Variants in PACRGL observed in about 807,000 individuals in gnomAD.
PACRGL encodes the protein parkin coregulated like.
In PACRGL, 38 loss-of-function variants were observed where a neutral mutation model predicts 34.5. That is an observed-to-expected ratio of 1.10 (90% confidence interval 0.85 to 1.44). PACRGL has a LOEUF of 1.44. Ranked by LOEUF, PACRGL falls within the 40% of genes most tolerant of loss-of-function variation. PACRGL has a pLI of 0.00. For synonymous variants in PACRGL, 128 were observed against 100.1 expected (o/e 1.28, Z -1.66); for missense variants, 305 against 281.4 (o/e 1.08, Z -0.60).
downstream of PACRGL, among the ~76,000 whole-genome samples, chr4:20,735,533 T>TTG (rs1749403660): frequency 2.7e-5 from 1 of 37,234 alleles, no homozygotes; most frequent in Admixed American, 2.2e-4. Flanking sequence ...TTTTTTTGTT[T>TTG]TTTTTTTTTT....
chr4:20,738,251 T>C (rs1750183085), intron 8 of PACRGL, among the ~76,000 whole-genome samples: 1 of 152,208 alleles, frequency 6.6e-6, no homozygotes, highest in African/African-American at 2.4e-5. Flanking sequence ...TTGATTGTTA[T>C]CAATGTAAAC....
chr4:20,702,411 T>A lies in PACRGL; in HGVS notation c.-17+1624T>A, dbSNP rs565872232. Among the ~76,000 whole-genome samples, 351 of 152,294 alleles carry A rather than the reference T, an allele frequency of 2.3e-3. 8 individuals are homozygous for A. The South Asian group carries it at 0.046, about 20-fold the overall frequency. On this transcript the variant is annotated intron_variant, in intron 1 of 8. Coordinates refer to ENST00000503585, the MANE Select transcript of PACRGL (RefSeq NM_001258345.3). ...GCCCAAGATGTTAAGCCAGATTTTT[T>A]AAAAATGACAAAACATGTGGTTTCA...
intron 5 of PACRGL, among the ~76,000 whole-genome samples, chr4:20,711,171 T>C (rs1233602647): frequency 6.6e-6 from 1 of 152,164 alleles, no homozygotes; most frequent in African/African-American, 2.4e-5. Context: ...GTTTTTTTTT[T>C]TAGACTAGTC....
chr4:20,715,555 C>G (rs1739507511), intron 7 of PACRGL, among the ~76,000 whole-genome samples: 1 of 151,860 alleles, frequency 6.6e-6, no homozygotes, highest in African/African-American at 2.4e-5. Flanking sequence ...CCTACATGAG[C>G]AGAGTTCAGG....
chr4:20,708,098 T>G (rs1202865154), intron 4 of PACRGL, among the ~76,000 whole-genome samples: 1 of 152,222 alleles, frequency 6.6e-6, no homozygotes, highest in Non-Finnish European at 1.5e-5. Flanking sequence ...AACCATCAGT[T>G]TAAGAACTTT....
chr4:20,708,651 T>C (rs1210420314), intron 4 of PACRGL, among the ~76,000 whole-genome samples: 1 of 152,098 alleles, frequency 6.6e-6, no homozygotes, highest in Non-Finnish European at 1.5e-5. Flanking sequence ...AAAACAATAT[T>C]AGAGAGACGT....
At chr4:20,747,934 A>G (rs1752716095) in intron 8 of PACRGL, among the ~76,000 whole-genome samples, 1 of 152,014 alleles carries the variant, frequency 6.6e-6, no homozygotes, top group African/African-American at 2.4e-5. Context: ...TTTAAACATG[A>G]CAGTTCTGTT....
At chr4:20,766,018 G>C in the PACRGL span, among the ~76,000 whole-genome samples, 4 of 152,098 alleles carry the variant, frequency 2.6e-5, no homozygotes, top group Non-Finnish European at 4.4e-5. Flanking sequence ...TATTGGTATT[G>C]ATATTTTATA....
intron 7 of PACRGL, among the ~76,000 whole-genome samples, chr4:20,723,808 C>G (rs906204984): frequency 1.3e-4 from 20 of 152,172 alleles, no homozygotes; most frequent in African/African-American, 4.6e-4. Flanking sequence ...CCACCCTGAC[C>G]ATCAGATCCT....
chr4:20,754,842 A>G (rs921798959), downstream of PACRGL, among the ~76,000 whole-genome samples: 17 of 152,212 alleles, frequency 1.1e-4, no homozygotes, highest in Admixed American at 1.0e-3. Flanking sequence ...AAGTTTTAGT[A>G]TGTAATAACT....
intron 7 of PACRGL, among the ~76,000 whole-genome samples, chr4:20,719,227 T>A (rs1025364552): frequency 5.9e-5 from 9 of 151,736 alleles, no homozygotes; most frequent in African/African-American, 2.2e-4. Flanking sequence ...CTCTTTACTT[T>A]ATTAGTCTTG....
chr4:20,752,476 A>T (rs777489401), intron 8 of PACRGL: 7 of 152,226 alleles, frequency 4.6e-5, no homozygotes, highest in Non-Finnish European at 1.0e-4. Context: ...TAGGCAAGCC[A>T]CTTTTATTTC....
intron 7 of PACRGL, among the ~76,000 whole-genome samples, chr4:20,722,014 C>A (rs893714047): frequency 6.6e-6 from 1 of 152,252 alleles, no homozygotes; most frequent in East Asian, 1.9e-4. Flanking sequence ...CTGCTGAAAC[C>A]TCAGCAATGG....
In PACRGL at chr4:20,732,340, C is replaced by G. The variant is rs6811505; in HGVS notation, c.*4999C>G. On this transcript the variant is annotated 3_prime_UTR_variant, in exon 9 of 9. Transcript: ENST00000503585. Reference sequence around the variant, plus strand: ...CACCTTCTAGATGTGACAGAGCTTGCGCAATTTGCTGAAACTTTCAGAGCT... The same window carrying G: ...CACCTTCTAGATGTGACAGAGCTTGGGCAATTTGCTGAAACTTTCAGAGCT... 0.33 allele frequency among the ~76,000 whole-genome samples: 50,232 copies of G among 151,968 alleles called. 8,756 individuals carry two copies. Among genetic ancestry groups the G allele is most frequent in the African/African-American group, 0.44 (18,110 of 41,430 alleles).
chr4:20,751,923 T>G (rs924099784), intron 8 of PACRGL, among the ~76,000 whole-genome samples: 3 of 152,136 alleles, frequency 2.0e-5, no homozygotes, highest in Non-Finnish European at 4.4e-5. Flanking sequence ...CATAGTGGAG[T>G]CAGACTGCCT....
intron 8 of PACRGL, chr4:20,749,644 A>C (rs766832653): frequency 4.5e-6 from 7 of 1,553,802 alleles, no homozygotes; most frequent in Non-Finnish European, 6.2e-6. Context: ...AATGATATGA[A>C]AATAATCCAG....
intron 8 of PACRGL, among the ~76,000 whole-genome samples, chr4:20,743,333 C>G (rs1480476438): frequency 6.6e-6 from 1 of 152,176 alleles, no homozygotes; most frequent in Non-Finnish European, 1.5e-5. Flanking sequence ...GCCAAAAGAA[C>G]AAAGCTGGAG....
At chr4:20,734,451 G>A (rs950154440), downstream of PACRGL, among the ~76,000 whole-genome samples, 8 of 152,266 alleles carry the variant, frequency 5.3e-5, no homozygotes, top group South Asian at 1.5e-3. Flanking sequence ...TTACTTTGGA[G>A]CTTCACCATA....
chr4:20,716,063 TC>T, intron 7 of PACRGL: 1 of 1,495,784 alleles, frequency 6.7e-7, no homozygotes, highest in African/African-American at 1.4e-5. Context: ...AGAGACCTTT[TC>T]CTGATATGTA....
Sources: allele counts gnomAD v4.1 joint callset (sites outside exome capture counted in the v4.1 genomes callset), GRCh38; gene constraint gnomAD v4.1.1; transcripts MANE v1.5; gene names NCBI Gene and HGNC (gene_info 2026-07-23, HGNC 2026-07-21).